Variants in STYXL2 observed in about 807,000 individuals in gnomAD.
STYXL2 encodes the protein serine/threonine/tyrosine interacting like 2, also known as serine/threonine/tyrosine-interacting-like protein 2.
Under a neutral mutation model 52.4 loss-of-function variants are expected in STYXL2, and 44 were observed. That is an observed-to-expected ratio of 0.84 (90% CI 0.66 to 1.08). STYXL2 has a LOEUF of 1.08. Ranked by LOEUF, STYXL2 falls within the 50% of genes least tolerant of loss-of-function variation. The pLI, the probability that STYXL2 is intolerant of heterozygous loss-of-function variation, is 0.00. For missense variants in STYXL2, 1,604 were observed against 1,471.7 expected, an observed-to-expected ratio of 1.09 and a Z score of -1.47; for synonymous variants, 604 against 586.9, an observed-to-expected ratio of 1.03 and a Z score of -0.42.
At chr1:167,116,618 C>T (rs1460809584) in intron 3 of STYXL2, among the ~76,000 whole-genome samples, 7 of 146,740 alleles carry the variant, frequency 4.8e-5, no homozygotes, top group Non-Finnish European at 1.0e-4. Context: ...GCCATTCACT[C>T]ATTTGGTAAA....
chr1:167,124,497 T>C (rs1256922930), intron 5 of STYXL2, among the ~76,000 whole-genome samples: 1 of 152,222 alleles, frequency 6.6e-6, no homozygotes, highest in Non-Finnish European at 1.5e-5. Context: ...CCAGTCTGCA[T>C]TTTAAACAGC....
chr1:167,119,002 T>G (rs752343097), intron 4 of STYXL2, among the ~76,000 whole-genome samples: 1 of 152,218 alleles, frequency 6.6e-6, no homozygotes, highest in Non-Finnish European at 1.5e-5. Flanking sequence ...TCCTTACACA[T>G]CATTTTGTTG....
Position 167,105,675 on chromosome 1 carries a change from C to T in STYXL2, c.111-8035C>T, listed in dbSNP as rs1021871682. Among the ~76,000 whole-genome samples, 4 of 152,184 alleles carry T rather than the reference C, an allele frequency of 2.6e-5. No individual in the cohort carries two copies. The South Asian group carries it at 8.3e-4, about 31-fold the overall frequency. ...AAACAAGCGTCCGTTTTAGGTCTTGCCCCCACACCTTTCTTTATTAGACTT... is the reference window on the plus strand; with the variant it reads ...AAACAAGCGTCCGTTTTAGGTCTTGTCCCCACACCTTTCTTTATTAGACTT... On this transcript the variant is annotated intron_variant, in intron 2 of 5. Transcript: ENST00000361200.
chr1:167,095,564 G>C (rs759527655), intron 2 of STYXL2, among the ~76,000 whole-genome samples: 1 of 151,972 alleles, frequency 6.6e-6, no homozygotes, highest in African/African-American at 2.4e-5. Flanking sequence ...TAAAATCATC[G>C]ACGTTATGTT....
chr1:167,118,523 T>A (rs1667779391), intron 4 of STYXL2, among the ~76,000 whole-genome samples: 1 of 152,186 alleles, frequency 6.6e-6, no homozygotes, highest in Non-Finnish European at 1.5e-5. Context: ...TTTAAATAGA[T>A]CTTCAGATAC....
chr1:167,102,197 A>AT (rs1667418032), intron 2 of STYXL2, among the ~76,000 whole-genome samples: 1 of 152,300 alleles, frequency 6.6e-6, no homozygotes, highest in South Asian at 2.1e-4. Context: ...ACACGGGATG[A>AT]TGTGACCTTG....
Position 167,117,468 on chromosome 1 carries a change from CT to C in STYXL2, c.347del (p.Leu116ArgfsTer28). 1 of 1,612,688 alleles carries C rather than the reference CT, an allele frequency of 6.2e-7. No individual in the cohort carries two copies. Among genetic ancestry groups the C allele is most frequent in the Non-Finnish European group, 8.5e-7 (1 of 1,179,448 alleles). On this transcript the variant is annotated frameshift_variant, in exon 4 of 6. Coordinates refer to ENST00000361200, the MANE Select transcript of STYXL2 (RefSeq NM_001080426.3). LOFTEE classifies it high-confidence loss of function. ...CAGCCTCTATAATACGCCCTGTGTC[CT>C]GGACCTACAGCGGGCCCTGGTTCAG... ...DTSLYNTPCVLDLQRALVQDR... is the reference protein window; with the variant it reads ...DTSLYNTPCVXDLQRALVQDR...
intron 2 of STYXL2, among the ~76,000 whole-genome samples, chr1:167,100,987 C>T (rs999739625): frequency 2.0e-5 from 3 of 152,158 alleles, no homozygotes; most frequent in African/African-American, 7.2e-5. Context: ...CACACCTAAA[C>T]CAGTTCAGAT....
intron 4 of STYXL2, among the ~76,000 whole-genome samples, chr1:167,118,422 C>T (rs1667777005): frequency 6.6e-6 from 1 of 152,172 alleles, no homozygotes; most frequent in Non-Finnish European, 1.5e-5. Flanking sequence ...ATAGGGAAAA[C>T]AGCTTTGAAC....
intron 5 of STYXL2, among the ~76,000 whole-genome samples, chr1:167,124,964 AAC>A (rs1267131712): frequency 4.3e-5 from 6 of 139,566 alleles, no homozygotes; most frequent in Non-Finnish European, 9.3e-5. Context: ...AAAAAAAAAA[AAC>A]CCTGATAAAT....
chr1:167,115,160 A>T (rs1230253844), intron 3 of STYXL2, among the ~76,000 whole-genome samples: 2 of 152,206 alleles, frequency 1.3e-5, no homozygotes, highest in Non-Finnish European at 2.9e-5. Flanking sequence ...GCCTTGTTTT[A>T]TCCTGGCTCT....
chr1:167,112,458 C>T (rs564744538), intron 2 of STYXL2, among the ~76,000 whole-genome samples: 1 of 152,332 alleles, frequency 6.6e-6, no homozygotes, highest in South Asian at 2.1e-4. Flanking sequence ...TTCAGCTCAT[C>T]GGGATTCTGC....
At position 167,127,746 on chromosome 1, in the gene STYXL2, A is replaced by G. The variant is rs1192371885; in HGVS notation, c.2615A>G (p.Lys872Arg). 6.2e-7 allele frequency: 1 copy of G among 1,614,052 alleles called. No individual in the cohort carries two copies. The highest frequency in any genetic ancestry group is 8.5e-7 in the Non-Finnish European group (1 of 1,180,010). ...AAACGCAGCTCCCTCTTCAAGAAGA[A>G]GAAGGTCAAGGAAGATGAGGATGAT... ...DNKRSSLFKKKKVKEDEDDGV... is the reference protein window; with the variant it reads ...DNKRSSLFKKRKVKEDEDDGV... Residue 872 changes from lysine to arginine, a missense_variant, in exon 6 of 6, where the codon AAG becomes AGG. By Grantham distance (26) the Lys-to-Arg change is conservative. Coordinates refer to ENST00000361200, the MANE Select transcript of STYXL2 (RefSeq NM_001080426.3).
chr1:167,106,969 A>G (rs1167418781), intron 2 of STYXL2, among the ~76,000 whole-genome samples: 1 of 152,212 alleles, frequency 6.6e-6, no homozygotes, highest in African/African-American at 2.4e-5. Context: ...TAAGGACAAT[A>G]ATTTCATTTT....
chr1:167,116,194 A>G (rs1259071258), intron 3 of STYXL2, among the ~76,000 whole-genome samples: 1 of 152,186 alleles, frequency 6.6e-6, no homozygotes, highest in Non-Finnish European at 1.5e-5. Context: ...ATTTTTGTCT[A>G]ACTTAAAGAA....
chr1:167,107,752 C>T (rs745867210), intron 2 of STYXL2, among the ~76,000 whole-genome samples: 28 of 152,082 alleles, frequency 1.8e-4, no homozygotes, highest in Admixed American at 5.2e-4. Context: ...TCCTTGCCTT[C>T]ATAGAGGGTA....
rs535432607 is a variant in STYXL2, at chr1:167,126,373, G to A, written c.1242G>A (p.Glu414=). The change falls in exon 6 of 6, where the codon GAG becomes GAA. Residue 414 remains glutamate (E), a synonymous_variant. Transcript: ENST00000361200. ...QAEGYRRWGR[E]EEKEEESDAG... Reference sequence around the variant, plus strand: ...AAGGGTACCGGAGGTGGGGAAGGGAGGAGGAGAAGGAGGAGGAGAGCGACG... The same window carrying A: ...AAGGGTACCGGAGGTGGGGAAGGGAAGAGGAGAAGGAGGAGGAGAGCGACG... 3.2e-6 allele frequency: 5 copies of A among 1,547,892 alleles called. No individual in the cohort carries two copies. In the South Asian group the frequency reaches 6.0e-5, roughly 19 times the overall value.
Position 167,127,795 on chromosome 1 carries a change from C to A in STYXL2, c.2664C>A (p.Asp888Glu). 6.2e-7 allele frequency: 1 copy of A among 1,613,880 alleles called. No individual in the cohort carries two copies. Among genetic ancestry groups the A allele is most frequent in the Non-Finnish European group, 8.5e-7 (1 of 1,180,018 alleles). The part of the protein sequence containing the change: ...EDDGVGDGDE[D>E]TDSAIGSFRY... ...ATGGTGTGGGTGATGGGGATGAGGA[C>A]ACTGACAGTGCCATAGGGAGCTTCC... is the stretch of plus-strand genomic sequence containing the variant. The change falls in exon 6 of 6, where the codon GAC becomes GAA. Residue 888 changes from aspartate (D) to glutamate (E), a missense_variant. Transcript: ENST00000361200.
rs1668033253 is a variant in STYXL2, at chr1:167,128,845, T to G, written c.*237T>G. The G allele has an allele frequency of 8.7e-6, 5 of 575,442 alleles. No individual in the cohort carries two copies. The highest frequency in any genetic ancestry group is 1.2e-5 in the Non-Finnish European group (4 of 342,280). The allele number at this position is 575,442 out of a possible 1,614,324, so 35.6% of individuals were successfully genotyped here. A position where few individuals can be genotyped will look rare whatever the true frequency, so the allele number is the denominator to read the frequency against. On this transcript the variant is annotated 3_prime_UTR_variant, in exon 6 of 6. Transcript: ENST00000361200. Reference sequence around the variant, plus strand: ...GAATGCGGACCAACTGATACCATTTTCTGTTGCTCAGCGCCCTCTAAGCTT... The same window carrying G: ...GAATGCGGACCAACTGATACCATTTGCTGTTGCTCAGCGCCCTCTAAGCTT...
Sources: allele counts gnomAD v4.1 joint callset (sites outside exome capture counted in the v4.1 genomes callset), GRCh38; gene constraint gnomAD v4.1.1; transcripts MANE v1.5; gene names NCBI Gene and HGNC (gene_info 2026-07-23, HGNC 2026-07-21).